Variants in MARK1 observed in about 807,000 individuals in gnomAD.
The protein encoded by MARK1 is microtubule affinity regulating kinase 1.
A neutral mutation model predicts 96.3 loss-of-function variants in MARK1; 40 were observed. The observed-to-expected ratio is 0.42, with a 90% CI of 0.32 to 0.54. The LOEUF is 0.54. Ranked by LOEUF, MARK1 falls within the 20% of genes least tolerant of loss-of-function variation. The pLI is 0.16. For missense variants in MARK1, 719 were observed against 984.6 expected, an observed-to-expected ratio of 0.73 and a Z score of 3.61; for synonymous variants, 317 against 341.2, an observed-to-expected ratio of 0.93 and a Z score of 0.78.
At chr1:220,562,924 TG>T (rs1662771992) in intron 1 of MARK1, among the ~76,000 whole-genome samples, 1 of 152,158 alleles carries the variant, frequency 6.6e-6, no homozygotes, top group Admixed American at 6.5e-5. Flanking sequence ...AATCCATAGT[TG>T]GTTGAATCCA....
Position 220,528,716 on chromosome 1 carries a change from T to G in MARK1, c.-107T>G. On this transcript the variant is annotated 5_prime_UTR_variant, in exon 1 of 18. Coordinates refer to ENST00000366917, the MANE Select transcript of MARK1 (RefSeq NM_018650.5). Reference sequence around the variant, plus strand: ...CCGCCCCGCGGCCTGCGGGAGCCGCTCGCCCCGGCCTTGTGCTCGCGTCCG... The same window carrying G: ...CCGCCCCGCGGCCTGCGGGAGCCGCGCGCCCCGGCCTTGTGCTCGCGTCCG... The G allele has an allele frequency of 2.0e-6, 2 of 992,224 alleles. No individual in the cohort carries two copies. 61.5% of individuals were successfully genotyped at this position (992,224 alleles called of 1,614,324 possible).
intron 9 of MARK1, 36 bp from the exon 10 acceptor site, chr1:220,630,999 T>G: frequency 7.1e-7 from 1 of 1,404,272 alleles, no homozygotes; most frequent in Non-Finnish European, 1.0e-6. Flanking sequence ...CTGAATGTTC[T>G]GATTGACCAC....
chr1:220,546,194 G>A, intron 1 of MARK1, among the ~76,000 whole-genome samples: 1 of 152,026 alleles, frequency 6.6e-6, no homozygotes, highest in East Asian at 1.9e-4. Context: ...CTTCCCTATG[G>A]TAATACCCCT....
At chr1:220,647,132 A>G (rs2103042998) in intron 13 of MARK1, among the ~76,000 whole-genome samples, 1 of 152,326 alleles carries the variant, frequency 6.6e-6, no homozygotes, top group African/African-American at 2.4e-5. Context: ...ACAGAATGGA[A>G]GAAAATTTTT....
chr1:220,636,288 T>C (rs1667963330), intron 13 of MARK1, among the ~76,000 whole-genome samples: 5 of 152,164 alleles, frequency 3.3e-5, no homozygotes, highest in Admixed American at 3.3e-4. Flanking sequence ...TTTTATAATG[T>C]TTATTTAATA....
Position 220,664,391 on chromosome 1 carries a change from A to T in MARK1, c.*2225A>T, listed in dbSNP as rs1255057618. On this transcript the variant is annotated 3_prime_UTR_variant, in exon 18 of 18. Coordinates refer to ENST00000366917, the MANE Select transcript of MARK1 (RefSeq NM_018650.5). ...TGTTCACCGGCTATGTGATACCAGG[A>T]TTTCCTTGGCTTCTGTTGAAATATT... The T allele has an allele frequency of 6.6e-6, 1 of 152,184 alleles. No individual in the cohort carries two copies. The highest frequency in any genetic ancestry group is 1.5e-5 in the Non-Finnish European group (1 of 68,026). The allele number at this position is 152,184 out of a possible 1,614,324, so 9.4% of individuals were successfully genotyped here. A position where few individuals can be genotyped will look rare whatever the true frequency, so the allele number is the denominator to read the frequency against.
At chr1:220,542,129 A>ATTTATCATATT (rs1661190290) in intron 1 of MARK1, among the ~76,000 whole-genome samples, 1 of 152,088 alleles carries the variant, frequency 6.6e-6, no homozygotes. Flanking sequence ...TTTTAATTTC[A>ATTTATCATATT]TTTATCATAT....
intron 1 of MARK1, among the ~76,000 whole-genome samples, chr1:220,542,701 T>C (rs1558246486): frequency 6.6e-6 from 1 of 152,208 alleles, no homozygotes; most frequent in Non-Finnish European, 1.5e-5. Flanking sequence ...TTTGTTGATT[T>C]GTTTTTTTAT....
intron 13 of MARK1, among the ~76,000 whole-genome samples, chr1:220,639,481 A>G (rs1242538927): frequency 1.3e-5 from 2 of 152,166 alleles, no homozygotes; most frequent in Non-Finnish European, 2.9e-5. Context: ...AATTTATTCA[A>G]CCTTTCTTTT....
In MARK1 at chr1:220,662,573, AT is replaced by A. The variant is rs1258765503; in HGVS notation, c.*411del. On this transcript the variant is annotated 3_prime_UTR_variant, in exon 18 of 18. Transcript: ENST00000366917. The stretch of plus-strand genomic sequence containing the variant: ...TTAAAATTCTTACCTCCATCATGCA[AT>A]TTTGAAAATTGTGTCCAGAATTAAA... 1 of 162,272 alleles carries A rather than the reference AT, an allele frequency of 6.2e-6. No homozygotes were observed. The highest frequency in any genetic ancestry group is 5.9e-5 in the Admixed American group (1 of 17,014). The allele number at this position is 162,272 out of a possible 1,614,324, so 10.1% of individuals were successfully genotyped here.
At chr1:220,639,317 C>T (rs1452083288) in intron 13 of MARK1, among the ~76,000 whole-genome samples, 2 of 151,862 alleles carry the variant, frequency 1.3e-5, no homozygotes, top group Admixed American at 1.3e-4. Context: ...GTACACAGAG[C>T]ATTATTTTAT....
chr1:220,592,326 A>C lies in MARK1; in HGVS notation c.310-6005A>C, dbSNP rs148867915. Among the ~76,000 whole-genome samples, 263 of 151,872 alleles carry C rather than the reference A, an allele frequency of 1.7e-3. 1 individual carries two copies. The highest frequency in any genetic ancestry group is 6.0e-3 in the African/African-American group (248 of 41,462). On this transcript the variant is annotated intron_variant, in intron 3 of 17. Coordinates refer to ENST00000366917, the MANE Select transcript of MARK1 (RefSeq NM_018650.5). The stretch of plus-strand genomic sequence containing the variant: ...ACTATACTTGCTGGCTTAAGAAAGT[A>C]AATAGCCATGTTGGAGAAGTCCACT...
intron 1 of MARK1, among the ~76,000 whole-genome samples, chr1:220,569,467 C>A (rs1663288181): frequency 6.6e-6 from 1 of 152,036 alleles, no homozygotes; most frequent in African/African-American, 2.4e-5. Flanking sequence ...CTAAAAAACA[C>A]TTGCTGAACT....
intron 3 of MARK1, among the ~76,000 whole-genome samples, chr1:220,581,517 T>C (rs1023246623): frequency 6.6e-6 from 1 of 152,208 alleles, no homozygotes; most frequent in Non-Finnish European, 1.5e-5. Flanking sequence ...TTATATAAAA[T>C]GACAAATGGT....
intron 1 of MARK1, among the ~76,000 whole-genome samples, chr1:220,539,994 A>G (rs561891202): frequency 3.3e-5 from 5 of 152,106 alleles, no homozygotes; most frequent in African/African-American, 9.7e-5. Context: ...TAGTGAAGCC[A>G]TCTGGTCTTG....
chr1:220,644,563 G>C (rs575154691), intron 13 of MARK1, among the ~76,000 whole-genome samples: 1 of 149,472 alleles, frequency 6.7e-6, no homozygotes, highest in African/African-American at 2.5e-5. Flanking sequence ...CTTGAACTCA[G>C]CTCTGGACCA....
At chr1:220,650,543 G>A (rs1668814168) in intron 13 of MARK1, 77 bp from the exon 14 acceptor site, 1 of 884,734 alleles carries the variant, frequency 1.1e-6, no homozygotes, top group Non-Finnish European at 1.8e-6. Context: ...TTTTCTCAAA[G>A]TCAGCTTAAA....
chr1:220,642,545 C>T (rs1668339110), intron 13 of MARK1, among the ~76,000 whole-genome samples: 1 of 152,196 alleles, frequency 6.6e-6, no homozygotes, highest in Non-Finnish European at 1.5e-5. Context: ...AGCAGTCCTA[C>T]CTGCTGACTC....
At chr1:220,600,407 T>C (rs982979804) in intron 5 of MARK1, among the ~76,000 whole-genome samples, 3 of 152,170 alleles carry the variant, frequency 2.0e-5, no homozygotes, top group Non-Finnish European at 2.9e-5. Context: ...GATAGCAAGA[T>C]GCATTTGTAG....
Sources: allele counts gnomAD v4.1 joint callset (sites outside exome capture counted in the v4.1 genomes callset), GRCh38; gene constraint gnomAD v4.1.1; transcripts MANE v1.5; gene names NCBI Gene and HGNC (gene_info 2026-07-23, HGNC 2026-07-21).